Variants in NCR1 observed in about 807,000 individuals in gnomAD.
NCR1 encodes the protein natural cytotoxicity triggering receptor 1.
Under a neutral mutation model 32.5 loss-of-function variants are expected in NCR1, and 30 were observed. The observed-to-expected ratio is 0.92, with a 90% CI of 0.69 to 1.25. The LOEUF (loss-of-function observed/expected upper bound fraction) is 1.25. NCR1 is among the 50% of genes most tolerant of loss of function. The pLI is 0.00. For missense variants in NCR1, 369 were observed against 380.7 expected, an observed-to-expected ratio of 0.97 and a Z score of 0.26; for synonymous variants, 169 against 143.4, an observed-to-expected ratio of 1.18 and a Z score of -1.28.
At chr19:54,927,808 C>A in the NCR1 span, 5 of 1,600,992 alleles carry the variant, frequency 3.1e-6, no homozygotes, top group South Asian at 5.5e-5. Context: ...TCCACGCATT[C>A]ACTGAGCAGG....
chr19:54,922,779 AAAAAAAAAAAC>A, the NCR1 span, among the ~76,000 whole-genome samples: 37 of 65,458 alleles, frequency 5.7e-4, no homozygotes, highest in African/African-American at 2.7e-3. Flanking sequence ...ACTCCGTCTC[AAAAAAAAAAAC>A]AAAAAAAAAA....
At chr19:54,906,865 T>G (rs867169779) in intron 3 of NCR1, 58 bp downstream of exon 3, 11 of 1,585,132 alleles carry the variant, frequency 6.9e-6, no homozygotes, top group Middle Eastern at 2.0e-4. Context: ...GGATGCAGCA[T>G]CATCTATGAA....
downstream of NCR1, among the ~76,000 whole-genome samples, chr19:54,920,519 G>A (rs1217226563): frequency 1.3e-5 from 2 of 152,100 alleles, no homozygotes; most frequent in Admixed American, 1.3e-4. Context: ...TAGGAGTTCT[G>A]TGTTTATTAC....
upstream of NCR1, among the ~76,000 whole-genome samples, chr19:54,905,175 A>C (rs937116998): frequency 6.6e-6 from 1 of 152,166 alleles, no homozygotes; most frequent in Non-Finnish European, 1.5e-5. Flanking sequence ...ACTGCTTTCC[A>C]CAGTGGCTGA....
the NCR1 span, among the ~76,000 whole-genome samples, chr19:54,926,977 C>T: frequency 6.6e-6 from 1 of 150,706 alleles, no homozygotes; most frequent in Non-Finnish European, 1.5e-5. Context: ...GTAATCCCAG[C>T]TACTCAGGAG....
At chr19:54,903,772 TAAC>T (rs1332185537), upstream of NCR1, among the ~76,000 whole-genome samples, 5 of 151,778 alleles carry the variant, frequency 3.3e-5, no homozygotes, top group Non-Finnish European at 5.9e-5. Flanking sequence ...CTGTAGATCT[TAAC>T]AACTTCTGCA....
chr19:54,918,639 A>T (rs921338397), downstream of NCR1, among the ~76,000 whole-genome samples: 27 of 151,880 alleles, frequency 1.8e-4, no homozygotes, highest in African/African-American at 6.3e-4. Context: ...GAAGCCCATT[A>T]CATCACTCTG....
chr19:54,913,496 A>AT (rs918897914), downstream of NCR1, among the ~76,000 whole-genome samples: 4 of 152,088 alleles, frequency 2.6e-5, 1 homozygote, highest in Admixed American at 2.6e-4. Context: ...CCATGGAAAT[A>AT]TTTTTTTCCT....
chr19:54,909,686 A>G (rs75044663), intron 4 of NCR1, among the ~76,000 whole-genome samples, 163 bp downstream of exon 4: 125,322 of 152,058 alleles, frequency 0.82, 52,016 homozygotes, highest in Non-Finnish European at 0.88. Context: ...GGAGGAGGGA[A>G]CAGAGAAAGG....
chr19:54,926,022 A>G, the NCR1 span, among the ~76,000 whole-genome samples: 1 of 151,568 alleles, frequency 6.6e-6, no homozygotes, highest in African/African-American at 2.4e-5. Flanking sequence ...ACAGATTCAA[A>G]AAAAAAGACA....
At position 54,912,802 on chromosome 19, in the gene NCR1, G is replaced by A. The variant is rs757354814; in HGVS notation, c.846G>A (p.Arg282=). The change falls in exon 7 of 7, where the codon AGG becomes AGA. Residue 282 remains arginine, a synonymous_variant. Coordinates refer to ENST00000291890, the MANE Select transcript of NCR1 (RefSeq NM_004829.7). ...FLVEDWLSRK[R]TRERASRAST... ...TTGAAGACTGGCTCAGCAGGAAGAG[G>A]ACTAGAGAGCGAGCCAGCAGAGCTT... 6.2e-6 allele frequency: 10 copies of A among 1,613,914 alleles called. No individual in the cohort carries two copies. Among genetic ancestry groups the A allele is most frequent in the Non-Finnish European group, 8.5e-6 (10 of 1,179,994 alleles).
At chr19:54,900,811 G>C in the NCR1 span, among the ~76,000 whole-genome samples, 1 of 152,240 alleles carries the variant, frequency 6.6e-6, no homozygotes, top group South Asian at 2.1e-4. Flanking sequence ...GGATCGTGGT[G>C]ATGGGCAGCT....
intron 4 of NCR1, 72 bp downstream of exon 4, chr19:54,909,595 A>T (rs2067850728): frequency 6.6e-7 from 1 of 1,520,374 alleles, no homozygotes. Flanking sequence ...ATCCCCAGAG[A>T]GTGATGGGGA....
At chr19:54,904,572 G>A (rs1602019767), upstream of NCR1, among the ~76,000 whole-genome samples, 4 of 102,608 alleles carry the variant, frequency 3.9e-5, no homozygotes, top group South Asian at 1.2e-3. Context: ...CACTCTTGTT[G>A]CCCAGGCTGG....
intron 5 of NCR1, among the ~76,000 whole-genome samples, chr19:54,910,368 G>A (rs1030971271): frequency 3.3e-5 from 5 of 152,000 alleles, no homozygotes; most frequent in Non-Finnish European, 5.9e-5. Context: ...TCAGGAATTC[G>A]AGACCAGCCT....
rs1322243831 is a variant in NCR1 at position 54,911,348 on chromosome 19, C to CA, written c.683-811dup. On this transcript the variant is annotated intron_variant, in intron 5 of 6. Coordinates refer to ENST00000291890, the MANE Select transcript of NCR1 (RefSeq NM_004829.7). Reference sequence around the variant, plus strand: ...TGGGCGACAGAGTGAGACTCCGTCTCAAAAAAAAAGAAAAAGAAAAAGAAA... The same window carrying CA: ...TGGGCGACAGAGTGAGACTCCGTCTCAAAAAAAAAAGAAAAAGAAAAAGAAA... 2.7e-3 allele frequency among the ~76,000 whole-genome samples: 358 copies of CA among 132,146 alleles called. 5 individuals are homozygous for CA. The highest frequency in any genetic ancestry group is 0.024 in the East Asian group (108 of 4,530). The allele number at this position is 132,146 out of a possible 152,430, so 86.7% of individuals were successfully genotyped here. A position where few individuals can be genotyped will look rare whatever the true frequency, so the allele number is the denominator to read the frequency against.
chr19:54,931,197 A>T, the NCR1 span, among the ~76,000 whole-genome samples: 1 of 152,074 alleles, frequency 6.6e-6, no homozygotes, highest in South Asian at 2.1e-4. Flanking sequence ...CAAGACGGGC[A>T]GATCATTTGA....
At chr19:54,920,372 A>G (rs533346522), downstream of NCR1, among the ~76,000 whole-genome samples, 15 of 152,306 alleles carry the variant, frequency 9.8e-5, no homozygotes, top group South Asian at 2.9e-3. Context: ...CACGTGATAC[A>G]CAGGACAGTC....
rs747602348 is a variant in NCR1, at chr19:54,906,344, T to A, written c.70+10T>A. 1 of 1,613,142 alleles carries A rather than the reference T, an allele frequency of 6.2e-7. No individual in the cohort carries two copies. On this transcript the variant is annotated intron_variant, in intron 2 of 6. Transcript: ENST00000291890. ...ATCAGCGCCCAGCAGCGTGAGTCCT[T>A]CCTTCAAAGCCCAGGGTCACTCTTC... is the stretch of plus-strand genomic sequence containing the variant.
Sources: gnomAD v4.1 joint callset for allele counts (sites outside exome capture counted in the v4.1 genomes callset) on GRCh38, gnomAD v4.1.1 for gene constraint, MANE v1.5 for transcripts, NCBI Gene and HGNC (gene_info 2026-07-23, HGNC 2026-07-21) for gene names.